The following FOCAD variants were observed in gnomAD, a reference collection of about 807,000 sequenced individuals.
FOCAD encodes focadhesin, also known as KIAA1797.
A neutral mutation model predicts 225.6 loss-of-function variants in FOCAD; 198 were observed. That is an observed-to-expected ratio of 0.88 (90% CI 0.78 to 0.99). FOCAD has a LOEUF of 0.99. FOCAD is among the 50% of genes least tolerant of loss of function. FOCAD has a pLI of 0.00. For missense variants in FOCAD, 2,713 were observed against 2,123.6 expected (o/e 1.28, Z -5.46); for synonymous variants, 897 against 755.0 (o/e 1.19, Z -3.08).
intron 11 of FOCAD, among the ~76,000 whole-genome samples, chr9:20,794,233 A>C (rs1820832378): frequency 6.6e-6 from 1 of 152,200 alleles, no homozygotes; most frequent in South Asian, 2.1e-4. Flanking sequence ...GTAATGTCCT[A>C]AGAGATGTTG....
At chr9:20,918,567 CA>C (rs551911382) in intron 24 of FOCAD, among the ~76,000 whole-genome samples, 1 of 151,796 alleles carries the variant, frequency 6.6e-6, no homozygotes, top group African/African-American at 2.4e-5. Context: ...ACTAAAAATA[CA>C]AAAAAATTAG....
chr9:20,655,801 T>C (rs1248917942), upstream of FOCAD, among the ~76,000 whole-genome samples: 1 of 152,186 alleles, frequency 6.6e-6, no homozygotes, highest in Admixed American at 6.5e-5. Context: ...ATTTTAGTTA[T>C]TTCTTGCCTT....
Position 20,747,106 on chromosome 9 carries a change from A to G in FOCAD, c.392+6766A>G, listed in dbSNP as rs546822522. ...GAATACATTTTGAGACCATGCAAAT[A>G]TTCTGCTCCTCATTAAGCTCAGCAC... On this transcript the variant is annotated intron_variant, in intron 5 of 43. Transcript: ENST00000338382. Among the ~76,000 whole-genome samples the G allele has an allele frequency of 1.5e-3, 225 of 152,266 alleles. 2 individuals are homozygous for G. The highest frequency in any genetic ancestry group is 5.2e-3 in the African/African-American group (214 of 41,546).
intron 12 of FOCAD, 61 bp downstream of exon 12, chr9:20,819,961 C>T: frequency 9.7e-7 from 1 of 1,027,128 alleles, no homozygotes; most frequent in Non-Finnish European, 1.4e-6. Context: ...ACTTTGAATT[C>T]TTTTTGGTAT....
Position 20,990,538 on chromosome 9 carries a change from T to C in FOCAD, c.5256+164T>C, listed in dbSNP as rs142830603. 2.9e-3 allele frequency among the ~76,000 whole-genome samples: 444 copies of C among 152,360 alleles called. 2 individuals carry two copies. The highest frequency in any genetic ancestry group is 4.5e-3 in the Non-Finnish European group (305 of 68,034). On this transcript the variant is annotated intron_variant, in intron 42 of 43. Transcript: ENST00000338382. ...GATGCAGAGTCTCAGAGATTGAGGCTAGCCCAGGCTCGGGGCAACTGCTGA... is the reference window on the plus strand; with the variant it reads ...GATGCAGAGTCTCAGAGATTGAGGCCAGCCCAGGCTCGGGGCAACTGCTGA...
upstream of FOCAD, among the ~76,000 whole-genome samples, chr9:20,682,181 G>A (rs576135760): frequency 2.6e-5 from 4 of 152,106 alleles, no homozygotes; most frequent in Non-Finnish European, 2.9e-5. Flanking sequence ...TGGACTTCCC[G>A]GCTTGCAGAA....
At chr9:20,677,794 A>T (rs367765630) in intron 2 of FOCAD, among the ~76,000 whole-genome samples, 3 of 152,232 alleles carry the variant, frequency 2.0e-5, no homozygotes, top group East Asian at 3.8e-4. Flanking sequence ...AAATACTAAA[A>T]AATAGAACTA....
intron 39 of FOCAD, among the ~76,000 whole-genome samples, chr9:20,983,302 G>A (rs1042354743): frequency 2.6e-5 from 4 of 152,210 alleles, no homozygotes; most frequent in Middle Eastern, 3.4e-3. Context: ...GGCCAGGTGC[G>A]GTGGCTCACG....
intron 16 of FOCAD, chr9:20,863,621 T>C (rs1339706004): frequency 6.6e-6 from 1 of 152,074 alleles, no homozygotes; most frequent in Non-Finnish European, 1.5e-5. Context: ...GTAGCCTTTT[T>C]TTAGGGTCTT....
intron 4 of FOCAD, among the ~76,000 whole-genome samples, chr9:20,738,865 A>G (rs1586979858): frequency 1.3e-5 from 2 of 152,190 alleles, no homozygotes; most frequent in Admixed American, 6.5e-5. Flanking sequence ...ATGTAGCCCA[A>G]TATATCAAAA....
intron 5 of FOCAD, among the ~76,000 whole-genome samples, chr9:20,741,981 A>G (rs919550745): frequency 2.0e-5 from 3 of 152,182 alleles, no homozygotes; most frequent in African/African-American, 7.2e-5. Context: ...TAATTCACAT[A>G]TGAGTGACCC....
intron 11 of FOCAD, among the ~76,000 whole-genome samples, chr9:20,790,575 C>G (rs1438526331): frequency 6.6e-6 from 1 of 152,118 alleles, no homozygotes; most frequent in Admixed American, 6.6e-5. Flanking sequence ...AGTTCGAGAC[C>G]AGCCTGGCCA....
chr9:20,922,004 T>A (rs1834482790), intron 24 of FOCAD, among the ~76,000 whole-genome samples: 1 of 152,218 alleles, frequency 6.6e-6, no homozygotes, highest in African/African-American at 2.4e-5. Context: ...AACTCACCTT[T>A]AGGGATTCAT....
chr9:20,951,237 A>G (rs1015980120), intron 34 of FOCAD, 139 bp downstream of exon 34: 9 of 662,854 alleles, frequency 1.4e-5, no homozygotes, highest in Admixed American at 1.3e-4. Context: ...TCAGAGGGAA[A>G]TGGTGTATGG....
chr9:20,673,401 G>A (rs562455738), intron 2 of FOCAD, among the ~76,000 whole-genome samples: 1 of 152,164 alleles, frequency 6.6e-6, no homozygotes, highest in African/African-American at 2.4e-5. Flanking sequence ...ATGTGTAAGG[G>A]TTCTAATTTC....
intron 35 of FOCAD, among the ~76,000 whole-genome samples, chr9:20,971,264 C>T (rs906253045): frequency 1.3e-5 from 2 of 152,136 alleles, no homozygotes; most frequent in East Asian, 1.9e-4. Flanking sequence ...TAAATATACA[C>T]ACCTACTCTG....
intron 28 of FOCAD, among the ~76,000 whole-genome samples, chr9:20,939,551 G>A (rs1836412022): frequency 6.6e-6 from 1 of 152,118 alleles, no homozygotes; most frequent in Admixed American, 6.5e-5. Flanking sequence ...GGAGTACCAT[G>A]GGGATGAATT....
In FOCAD at chr9:20,862,729, C is replaced by T. The variant is rs1465810310; in HGVS notation, c.2055+17C>T. On this transcript the variant is annotated intron_variant, in intron 16 of 43. Coordinates refer to ENST00000338382, the MANE Select transcript of FOCAD (RefSeq NM_001375567.1). Reference sequence around the variant, plus strand: ...GAATATGAGGTATGCATTTGGAGCTCAGCACATTGCCTGCTTCTTCATGGG... The same window carrying T: ...GAATATGAGGTATGCATTTGGAGCTTAGCACATTGCCTGCTTCTTCATGGG... 1.2e-6 allele frequency: 2 copies of T among 1,602,902 alleles called. No individual in the cohort carries two copies. Among genetic ancestry groups the T allele is most frequent in the Non-Finnish European group, 1.7e-6 (2 of 1,175,138 alleles).
At chr9:20,709,902 A>C (rs1214538335) in intron 1 of FOCAD, among the ~76,000 whole-genome samples, 1 of 152,212 alleles carries the variant, frequency 6.6e-6, no homozygotes, top group Non-Finnish European at 1.5e-5. Context: ...TAAAAACAAC[A>C]CTGTTTTTCC....
Sources: allele counts gnomAD v4.1 joint callset (sites outside exome capture counted in the v4.1 genomes callset), GRCh38; gene constraint gnomAD v4.1.1; transcripts MANE v1.5; gene names NCBI Gene and HGNC (gene_info 2026-07-23, HGNC 2026-07-21).